MYLK3: variants seen among roughly 807,000 people sequenced by gnomAD.
MYLK3 encodes myosin light chain kinase 3.
A neutral mutation model predicts 76.3 loss-of-function variants in MYLK3; 55 were observed. That is an observed-to-expected ratio of 0.72 (90% CI 0.58 to 0.90). The LOEUF (loss-of-function observed/expected upper bound fraction) is 0.90, where lower values mean the gene tolerates loss of function less well. Among genes scored for constraint, MYLK3 ranks in the 40% least tolerant of loss-of-function variants. MYLK3 has a pLI of 0.00. For missense variants in MYLK3, 973 were observed against 1,053.6 expected (o/e 0.92, Z 1.06); for synonymous variants, 416 against 425.4 (o/e 0.98, Z 0.27).
In MYLK3 at chr16:46,729,683, G is replaced by C. The variant is rs143794902; in HGVS notation, c.1573C>G (p.Arg525Gly). The change falls in exon 6 of 13, where the codon CGG becomes GGG. Residue 525 changes from arginine to glycine, a missense_variant. Arg to Gly is a moderately radical substitution (Grantham distance 125, BLOSUM62 -2). Around this residue, in one of 2 missense-constraint regions of MYLK3, gnomAD observed 332 missense variants for 416.6 expected, o/e 0.80. Transcript: ENST00000394809. ...VCQHEVLGGG[R>G]FGQVHRCTEK... ...GTGCACCTGTGGACCTGGCCAAACC[G>C]ACCCCTGCAGAGACATAGCCACACG... 8 of 1,613,432 alleles carry C rather than the reference G, an allele frequency of 5.0e-6. No homozygotes were observed. Among genetic ancestry groups the C allele is most frequent in the Non-Finnish European group, 6.8e-6 (8 of 1,179,654 alleles).
At chr16:46,759,629 CTT>C (rs879830954) in intron 1 of MYLK3, among the ~76,000 whole-genome samples, 2 of 145,860 alleles carry the variant, frequency 1.4e-5, no homozygotes, top group East Asian at 4.0e-4. Flanking sequence ...CTTTTCTCCA[CTT>C]TTTTTTTTTT....
In MYLK3 at chr16:46,732,586, T is replaced by A; in HGVS notation, c.1084A>T (p.Thr362Ser). 6.3e-7 allele frequency: 1 copy of A among 1,597,518 alleles called. No individual in the cohort carries two copies. Among genetic ancestry groups the A allele is most frequent in the Non-Finnish European group, 8.5e-7 (1 of 1,178,768 alleles). ...GGCTGGGCAGCTGCTGGAGCCTCTG[T>A]GGTGAGGGTGGGTCCAAGGCTGCCC... ...GRGSLGPTLT[T>S]EAPAAAQPGK... Residue 362 changes from threonine (T) to serine (S), a missense_variant, in exon 4 of 13, where the codon ACA (threonine) becomes TCA (serine). By Grantham distance (58) the Thr-to-Ser change is moderately conservative. Around this residue, in one of 2 missense-constraint regions of MYLK3, gnomAD observed 641 missense variants for 637.0 expected, o/e 1.01. Transcript: ENST00000394809.
At chr16:46,760,305 C>A (rs750012620) in intron 1 of MYLK3, among the ~76,000 whole-genome samples, 1 of 152,192 alleles carries the variant, frequency 6.6e-6, no homozygotes, top group Non-Finnish European at 1.5e-5. Flanking sequence ...AGCTTTGGGA[C>A]CCCACCTCAC....
intron 1 of MYLK3, among the ~76,000 whole-genome samples, chr16:46,759,924 G>A (rs577294336): frequency 3.9e-5 from 6 of 152,154 alleles, no homozygotes; most frequent in East Asian, 1.9e-4. Flanking sequence ...TAGCCACCAC[G>A]CCCAGCCCCT....
chr16:46,709,600 G>C lies in MYLK3; in HGVS notation c.2339C>G (p.Ser780Cys), dbSNP rs368163588. 7 of 1,614,018 alleles carry C rather than the reference G, an allele frequency of 4.3e-6. No individual in the cohort carries two copies. Among genetic ancestry groups the C allele is most frequent in the Admixed American group, 1.7e-5 (1 of 59,988 alleles). Residue 780 changes from serine (S) to cysteine (C), a missense_variant, in exon 12 of 13, where the codon TCC (serine) becomes TGC (cysteine). Physicochemically the swap from Ser to Cys is moderately radical, Grantham distance 112 (BLOSUM62 -1). Around this residue, in one of 2 missense-constraint regions of MYLK3, gnomAD observed 332 missense variants for 416.6 expected, o/e 0.80. Transcript: ENST00000394809. ...LNNLPAKASRSKTRLKSQLLL... is the reference protein window; with the variant it reads ...LNNLPAKASRCKTRLKSQLLL... Reference sequence around the variant, plus strand: ...TAGTTGGGATTTGAGACGAGTTTTGGATCTTGAAGCTTTGGCAGGCAAATT... The same window carrying C: ...TAGTTGGGATTTGAGACGAGTTTTGCATCTTGAAGCTTTGGCAGGCAAATT...
intron 1 of MYLK3, among the ~76,000 whole-genome samples, chr16:46,761,141 G>A (rs1051075434): frequency 1.3e-5 from 2 of 152,200 alleles, no homozygotes; most frequent in African/African-American, 4.8e-5. Flanking sequence ...AGACTTGGAA[G>A]GCTAAGAAAA....
chr16:46,738,806 G>A (rs1236880645), intron 2 of MYLK3, among the ~76,000 whole-genome samples: 2 of 152,190 alleles, frequency 1.3e-5, no homozygotes, highest in Non-Finnish European at 2.9e-5. Flanking sequence ...GAAGCAGGGT[G>A]CAGAGAACAA....
chr16:46,738,073 T>C lies in MYLK3; in HGVS notation c.639A>G (p.Gly213=). The C allele has an allele frequency of 6.2e-7, 1 of 1,601,804 alleles. No homozygotes were observed. The highest frequency in any genetic ancestry group is 8.5e-7 in the Non-Finnish European group (1 of 1,174,756). The change falls in exon 3 of 13, where the codon GGA becomes GGG. Residue 213 remains glycine (G), a synonymous_variant. Coordinates refer to ENST00000394809, the MANE Select transcript of MYLK3 (RefSeq NM_182493.3). ...AGACCACTGCCTGGGCGGGGTCAGC[T>C]CCCAGCCCTGACGCTCTGATGGGGG... ...RLPPIRASGL[G]ADPAQAVVSP...
At chr16:46,735,548 C>G (rs982439836) in intron 3 of MYLK3, among the ~76,000 whole-genome samples, 2 of 152,196 alleles carry the variant, frequency 1.3e-5, no homozygotes, top group African/African-American at 4.8e-5. Flanking sequence ...TGACGCCTTT[C>G]TCCAGCAGCT....
At chr16:46,716,597 CAGG>C (rs1326913565) in intron 9 of MYLK3, among the ~76,000 whole-genome samples, 1 of 151,664 alleles carries the variant, frequency 6.6e-6, no homozygotes, top group Non-Finnish European at 1.5e-5. Context: ...CTTTAGGCCT[CAGG>C]AGAGAATCTC....
At chr16:46,752,166 C>G (rs1409108040), upstream of MYLK3, among the ~76,000 whole-genome samples, 1 of 152,110 alleles carries the variant, frequency 6.6e-6, no homozygotes, top group Non-Finnish European at 1.5e-5. Flanking sequence ...AAGACCCTTC[C>G]CTGGCCTTCT....
At position 46,707,737 on chromosome 16, in the gene MYLK3, G is replaced by A; in HGVS notation, c.2427C>T (p.Ala809=). The A allele has an allele frequency of 6.2e-7, 1 of 1,613,088 alleles. No individual in the cohort carries two copies. Among genetic ancestry groups the A allele is most frequent in the South Asian group, 1.1e-5 (1 of 90,996 alleles). The change falls in exon 13 of 13, where the codon GCC becomes GCT. Residue 809 remains alanine (A), a synonymous_variant. Coordinates refer to ENST00000394809, the MANE Select transcript of MYLK3 (RefSeq NM_182493.3). The part of the protein sequence containing the change: ...WKKHFYVVTA[A]NRLRKFPTSP Reference sequence around the variant, plus strand: ...AAGTTGGAAATTTCCTTAACCTGTTGGCAGCAGTCACCACATAGAAATGTT... The same window carrying A: ...AAGTTGGAAATTTCCTTAACCTGTTAGCAGCAGTCACCACATAGAAATGTT...
chr16:46,752,266 C>T (rs150727323), upstream of MYLK3, among the ~76,000 whole-genome samples: 31 of 152,094 alleles, frequency 2.0e-4, no homozygotes, highest in Admixed American at 3.9e-4. Flanking sequence ...GATATGGTCT[C>T]GATCTGTTGC....
chr16:46,718,640 C>G (rs1304362427), intron 9 of MYLK3, among the ~76,000 whole-genome samples: 1 of 152,148 alleles, frequency 6.6e-6, no homozygotes, highest in East Asian at 1.9e-4. Context: ...TACCGCGTGG[C>G]CATGAAATAA....
chr16:46,754,498 G>A (rs1967172023), intron 1 of MYLK3, among the ~76,000 whole-genome samples: 2 of 152,084 alleles, frequency 1.3e-5, no homozygotes, highest in Admixed American at 1.3e-4. Flanking sequence ...TTCATAAGAG[G>A]AGGAACAGAG....
chr16:46,737,747 GC>G lies in MYLK3; in HGVS notation c.964del (p.Ala322ProfsTer28), dbSNP rs779263865. ...CPGPPGLPAQARATHSGGETP... is the reference protein window; with the variant it reads ...CPGPPGLPAQXRATHSGGETP... ...TTCTCCACCACTGTGGGTTGCCCTG[GC>G]CTGGGCTGGCAGCCCTGGAGGCCCT... On this transcript the variant is annotated frameshift_variant, in exon 3 of 13. Transcript: ENST00000394809. LOFTEE classifies it high-confidence loss of function. The G allele has an allele frequency of 1.2e-6, 2 of 1,609,662 alleles. No homozygotes were observed. The highest frequency in any genetic ancestry group is 3.3e-5 in the Admixed American group (2 of 60,002).
chr16:46,732,114 AC>A (rs1966853586), intron 4 of MYLK3, 93 bp downstream of exon 4: 2 of 1,085,050 alleles, frequency 1.8e-6, no homozygotes, highest in Non-Finnish European at 2.6e-6. Flanking sequence ...CATATGATCT[AC>A]CCCTGGAAGC....
chr16:46,735,088 C>G (rs551010583), intron 3 of MYLK3, among the ~76,000 whole-genome samples: 1 of 151,562 alleles, frequency 6.6e-6, no homozygotes, highest in East Asian at 2.0e-4. Context: ...CTGAAGTGAG[C>G]CGAGATGGCA....
At chr16:46,762,995 AC>A (rs71380305) in intron 1 of MYLK3, 53 of 984,398 alleles carry the variant, frequency 5.4e-5, no homozygotes, top group Non-Finnish European at 6.4e-5. Flanking sequence ...TGCTGAAAAC[AC>A]CCCCCCACAC....
Sources: allele counts gnomAD v4.1 joint callset (sites outside exome capture counted in the v4.1 genomes callset), GRCh38; gene constraint gnomAD v4.1.1; regional missense constraint gnomAD v4.1.1; transcripts MANE v1.5; gene names NCBI Gene and HGNC (gene_info 2026-07-23, HGNC 2026-07-21).